ROBO1: variants seen among roughly 807,000 people sequenced by gnomAD.
ROBO1 encodes the protein roundabout homolog 1.
In ROBO1, 149 loss-of-function variants were observed where a neutral mutation model predicts 195.9. The observed-to-expected ratio is 0.76, with a 90% confidence interval of 0.67 to 0.87. ROBO1 has a LOEUF of 0.87. ROBO1 is among the 40% of genes least tolerant of loss of function. The pLI is 0.00. For missense variants in ROBO1, 1,933 were observed against 2,068.3 expected (o/e 0.93, Z 1.27); for synonymous variants, 816 against 733.2 (o/e 1.11, Z -1.82).
At chr3:79,008,322 T>C (rs922618835) in intron 3 of ROBO1, among the ~76,000 whole-genome samples, 3 of 152,168 alleles carry the variant, frequency 2.0e-5, no homozygotes, top group Admixed American at 2.0e-4. Context: ...TTCCTTAAAG[T>C]GTCTAACAGC....
chr3:78,893,808 T>C (rs2037066477), intron 4 of ROBO1, among the ~76,000 whole-genome samples: 1 of 152,168 alleles, frequency 6.6e-6, no homozygotes, highest in East Asian at 1.9e-4. Context: ...ATTTTTATGA[T>C]AGATTTTCCT....
rs1941133355 is a variant in ROBO1, at chr3:79,519,897, A to G, written c.88+69927T>C. Among the ~76,000 whole-genome samples the G allele has an allele frequency of 2.6e-5, 4 of 152,078 alleles. No individual in the cohort carries two copies. The South Asian group carries it at 8.3e-4, about 32-fold the overall frequency. On this transcript the variant is annotated intron_variant, in intron 2 of 30. Coordinates refer to ENST00000464233, the MANE Select transcript of ROBO1 (RefSeq NM_002941.4). ...CTTGCAGCTGGGCACCGTGGCTCAC[A>G]TCTGTAATCCCAGTACTTTGGGATA...
intron 3 of ROBO1, among the ~76,000 whole-genome samples, chr3:79,071,715 CAT>C (rs1286608477): frequency 1.3e-4 from 8 of 62,156 alleles, no homozygotes; most frequent in Non-Finnish European, 3.0e-4. Flanking sequence ...CACACACACA[CAT>C]GCACATGCAC....
intron 2 of ROBO1, among the ~76,000 whole-genome samples, chr3:79,450,566 T>A (rs947860576): frequency 6.6e-6 from 1 of 152,136 alleles, no homozygotes; most frequent in Non-Finnish European, 1.5e-5. Flanking sequence ...TGAATTAATT[T>A]GTTTAGGATA....
Position 79,491,992 on chromosome 3 carries a change from C to T in ROBO1, c.88+97832G>A, listed in dbSNP as rs746949915. On this transcript the variant is annotated intron_variant, in intron 2 of 30. Transcript: ENST00000464233. ...CCATTAAATTCTAGCATAAACATTC[C>T]GGGCTACTGGTTATTTTTTGGTTGT... is the stretch of plus-strand genomic sequence containing the variant. 5.3e-5 allele frequency among the ~76,000 whole-genome samples: 8 copies of T among 151,718 alleles called. No homozygotes were observed. In the South Asian group the frequency reaches 8.3e-4, roughly 16 times the overall value.
At chr3:79,363,337 CA>C (rs1407971047) in intron 2 of ROBO1, among the ~76,000 whole-genome samples, 1 of 152,108 alleles carries the variant, frequency 6.6e-6, no homozygotes, top group African/African-American at 2.4e-5. Context: ...ATCTCTAATT[CA>C]ACATGATCAC....
intron 28 of ROBO1, among the ~76,000 whole-genome samples, chr3:78,607,679 C>T (rs1703546967): frequency 6.6e-6 from 1 of 152,168 alleles, no homozygotes; most frequent in African/African-American, 2.4e-5. Context: ...CAGTATAACA[C>T]TGCTAGTACC....
At chr3:78,969,175 A>T (rs978189516) in intron 3 of ROBO1, among the ~76,000 whole-genome samples, 3 of 152,234 alleles carry the variant, frequency 2.0e-5, no homozygotes, top group Non-Finnish European at 4.4e-5. Context: ...GAAGATAGTT[A>T]TAATTGATAA....
chr3:79,068,732 C>T (rs976559965), intron 3 of ROBO1, among the ~76,000 whole-genome samples: 6 of 151,626 alleles, frequency 4.0e-5, no homozygotes, highest in African/African-American at 1.5e-4. Flanking sequence ...GAATAGTCCC[C>T]ACTTAAAAAA....
chr3:79,757,216 AT>A (rs1327549607), intron 1 of ROBO1, among the ~76,000 whole-genome samples: 1 of 152,074 alleles, frequency 6.6e-6, no homozygotes, highest in African/African-American at 2.4e-5. Context: ...ATTATGTTTA[AT>A]TTTTTTAGGA....
chr3:79,597,019 G>A (rs2107846668), intron 1 of ROBO1, among the ~76,000 whole-genome samples: 1 of 152,080 alleles, frequency 6.6e-6, no homozygotes, highest in South Asian at 2.1e-4. Flanking sequence ...ACAGTTTGGT[G>A]AGAAAAAAGA....
chr3:79,749,996 G>A (rs571056162), intron 1 of ROBO1, among the ~76,000 whole-genome samples: 6 of 152,322 alleles, frequency 3.9e-5, no homozygotes, highest in African/African-American at 1.4e-4. Flanking sequence ...TGTTCACCTG[G>A]AAAAGCCACA....
chr3:78,689,930 A>T (rs2081134255), intron 8 of ROBO1, among the ~76,000 whole-genome samples: 1 of 151,204 alleles, frequency 6.6e-6, no homozygotes, highest in African/African-American at 2.4e-5. Flanking sequence ...CAGTATTTGA[A>T]AAGATACTTT....
chr3:79,126,705 C>T (rs2080221846), intron 2 of ROBO1, among the ~76,000 whole-genome samples: 1 of 152,164 alleles, frequency 6.6e-6, no homozygotes, highest in Non-Finnish European at 1.5e-5. Flanking sequence ...TGAAGAAGCG[C>T]AGATGTTTAC....
At chr3:78,917,179 C>T (rs1332653146) in intron 4 of ROBO1, among the ~76,000 whole-genome samples, 2 of 145,226 alleles carry the variant, frequency 1.4e-5, no homozygotes, top group African/African-American at 5.1e-5. Flanking sequence ...TCATTGCAAC[C>T]TCTGCCTCCC....
Position 78,971,320 on chromosome 3 carries a change from CG to C in ROBO1, c.173-32394del, listed in dbSNP as rs562288843. Among the ~76,000 whole-genome samples, 166 of 152,250 alleles carry C rather than the reference CG, an allele frequency of 1.1e-3. 2 individuals are homozygous for C. Among genetic ancestry groups the C allele is most frequent in the Non-Finnish European group, 3.2e-4 (22 of 68,008 alleles). ...AGGAGGATCACCTAAGCCCGGGAGGCGGAGGTTGCAGACAGCCAAGACTGTG... is the reference window on the plus strand; with the variant it reads ...AGGAGGATCACCTAAGCCCGGGAGGCGAGGTTGCAGACAGCCAAGACTGTG... On this transcript the variant is annotated intron_variant, in intron 3 of 30. Transcript: ENST00000464233.
chr3:78,839,798 T>C (rs980301974), intron 4 of ROBO1, among the ~76,000 whole-genome samples: 4 of 152,124 alleles, frequency 2.6e-5, no homozygotes, highest in African/African-American at 9.7e-5. Flanking sequence ...CTGCCTTAGA[T>C]CACAAACATC....
intron 2 of ROBO1, among the ~76,000 whole-genome samples, chr3:79,568,468 A>C (rs2107736456): frequency 8.4e-6 from 1 of 119,022 alleles, no homozygotes; most frequent in South Asian, 2.6e-4. Flanking sequence ...TTCTCTTACT[A>C]TTTTCTACAT....
chr3:78,642,383 T>C (rs1452766161), intron 21 of ROBO1, among the ~76,000 whole-genome samples: 1 of 152,166 alleles, frequency 6.6e-6, no homozygotes, highest in East Asian at 1.9e-4. Context: ...TGAAGGAGGC[T>C]GGCAGGAAGC....
Sources: gnomAD v4.1 joint callset for allele counts (sites outside exome capture counted in the v4.1 genomes callset) on GRCh38, gnomAD v4.1.1 for gene constraint, MANE v1.5 for transcripts, NCBI Gene and HGNC (gene_info 2026-07-23, HGNC 2026-07-21) for gene names.